The following KIF6 variants were observed in gnomAD, a reference collection of about 807,000 sequenced individuals.
The protein encoded by KIF6 is kinesin-like protein KIF6.
KIF6 carries 106 observed loss-of-function variants against 112.7 expected under a neutral mutation model. The observed-to-expected ratio is 0.94, with a 90% CI of 0.80 to 1.11. The LOEUF (loss-of-function observed/expected upper bound fraction) is 1.11, where lower values mean the gene tolerates loss of function less well. KIF6 is among the 50% of genes least tolerant of loss of function. KIF6 has a pLI of 0.00. For missense variants in KIF6, 929 were observed against 964.0 expected, an observed-to-expected ratio of 0.96 and a Z score of 0.48; for synonymous variants, 339 against 339.9, an observed-to-expected ratio of 1.00 and a Z score of 0.03.
chr6:39,538,596 G>A (rs1331090773), intron 13 of KIF6, among the ~76,000 whole-genome samples: 2 of 151,130 alleles, frequency 1.3e-5, no homozygotes, highest in East Asian at 3.9e-4. Flanking sequence ...TGGAGAAATA[G>A]GAACACTTTT....
intron 13 of KIF6, among the ~76,000 whole-genome samples, chr6:39,533,174 T>C (rs1347384465): frequency 6.6e-6 from 1 of 152,120 alleles, no homozygotes; most frequent in Non-Finnish European, 1.5e-5. Flanking sequence ...ACAGTGGGTG[T>C]AGTGCACCGT....
chr6:39,692,554 T>TG (rs1488842903), intron 3 of KIF6, among the ~76,000 whole-genome samples: 1 of 152,220 alleles, frequency 6.6e-6, no homozygotes, highest in Non-Finnish European at 1.5e-5. Flanking sequence ...ACTCACTTGT[T>TG]GCTGGTACTT....
intron 5 of KIF6, among the ~76,000 whole-genome samples, chr6:39,614,155 AC>A (rs370111855): frequency 6.6e-6 from 1 of 152,208 alleles, no homozygotes; most frequent in African/African-American, 2.4e-5. Context: ...AACTCCTCAT[AC>A]TCTGCTTCAC....
At chr6:39,488,246 C>T (rs1361247031) in intron 13 of KIF6, among the ~76,000 whole-genome samples, 2 of 152,198 alleles carry the variant, frequency 1.3e-5, no homozygotes, top group African/African-American at 2.4e-5. Context: ...AATCAGCCAA[C>T]CCTGATATTC....
At position 39,343,043 on chromosome 6, in the gene KIF6, G is replaced by A. The variant is rs1351017882; in HGVS notation, c.2428+666C>T. 1.0e-6 allele frequency: 1 copy of A among 985,306 alleles called. No homozygotes were observed. Among genetic ancestry groups the A allele is most frequent in the Non-Finnish European group, 1.2e-6 (1 of 829,946 alleles). 61.0% of individuals were successfully genotyped at this position (985,306 alleles called of 1,614,324 possible). A position where few individuals can be genotyped will look rare whatever the true frequency, so the allele number is the denominator to read the frequency against. ...GACAAAATGCAGGCCTGGGGTAAGG[G>A]GCCCTGGGGCTTGCCCTGTGGGTGT... On this transcript the variant is annotated intron_variant, in intron 22 of 22. Coordinates refer to ENST00000287152, the MANE Select transcript of KIF6 (RefSeq NM_145027.6). The surrounding 1 kb of genome is among the most constrained non-coding windows in gnomAD (Gnocchi z 4.1).
intron 5 of KIF6, among the ~76,000 whole-genome samples, chr6:39,619,317 A>G (rs1582286118): frequency 6.6e-6 from 1 of 152,194 alleles, no homozygotes; most frequent in South Asian, 2.1e-4. Context: ...TTGCTAAATA[A>G]TAATGTTAAT....
chr6:39,470,423 T>C (rs1028692658), intron 13 of KIF6, among the ~76,000 whole-genome samples: 2 of 152,178 alleles, frequency 1.3e-5, no homozygotes, highest in African/African-American at 4.8e-5. Context: ...CATTTTGGAC[T>C]GGTCATAGCA....
chr6:39,705,231 T>C (rs1789133008), intron 3 of KIF6, among the ~76,000 whole-genome samples: 2 of 152,180 alleles, frequency 1.3e-5, no homozygotes. Flanking sequence ...ATAGTTCTGA[T>C]TCAATAGGTC....
At chr6:39,710,690 G>A (rs1228475316) in intron 3 of KIF6, among the ~76,000 whole-genome samples, 1 of 152,100 alleles carries the variant, frequency 6.6e-6, no homozygotes. Context: ...AGAACCACAG[G>A]GCAAAGAGAG....
At chr6:39,511,765 A>G (rs1375084113) in intron 13 of KIF6, among the ~76,000 whole-genome samples, 2 of 152,250 alleles carry the variant, frequency 1.3e-5, no homozygotes, top group Admixed American at 1.3e-4. Context: ...TGCAGCCATA[A>G]AACAGGATGA....
At chr6:39,598,643 C>T (rs940141407) in intron 6 of KIF6, among the ~76,000 whole-genome samples, 21 of 150,426 alleles carry the variant, frequency 1.4e-4, no homozygotes, top group African/African-American at 5.1e-4. Context: ...GCGCAATATG[C>T]GATAAGGACA....
chr6:39,545,102 T>C (rs1489797825), intron 11 of KIF6, among the ~76,000 whole-genome samples: 1 of 152,220 alleles, frequency 6.6e-6, no homozygotes, highest in East Asian at 1.9e-4. Context: ...GTCTTATCTA[T>C]ACCTGGCCCT....
intron 3 of KIF6, among the ~76,000 whole-genome samples, chr6:39,655,034 T>C (rs1037551222): frequency 6.6e-6 from 1 of 152,206 alleles, no homozygotes; most frequent in African/African-American, 2.4e-5. Context: ...GACAATGATG[T>C]CCTCTAAAGT....
chr6:39,542,756 CA>C (rs1236799283), intron 12 of KIF6, among the ~76,000 whole-genome samples: 3 of 152,192 alleles, frequency 2.0e-5, no homozygotes, highest in Non-Finnish European at 4.4e-5. Context: ...CCGCAGTGCT[CA>C]AAGCACTTAT....
At chr6:39,658,695 C>A (rs1490389848) in intron 3 of KIF6, among the ~76,000 whole-genome samples, 2 of 152,126 alleles carry the variant, frequency 1.3e-5, no homozygotes, top group Non-Finnish European at 2.9e-5. Context: ...CAGAGTCATA[C>A]ATTAAATAAT....
chr6:39,514,618 T>G (rs1237361673), intron 13 of KIF6, among the ~76,000 whole-genome samples: 2 of 152,232 alleles, frequency 1.3e-5, no homozygotes, highest in Non-Finnish European at 2.9e-5. Context: ...AACTTTAGTA[T>G]GCCCACTAAT....
At chr6:39,383,368 C>T (rs1372768833) in intron 16 of KIF6, among the ~76,000 whole-genome samples, 2 of 152,184 alleles carry the variant, frequency 1.3e-5, no homozygotes. Flanking sequence ...AATCTAGTTT[C>T]ATTCTCTGCA....
At chr6:39,549,130 A>T (rs1456154563) in intron 10 of KIF6, among the ~76,000 whole-genome samples, 1 of 152,100 alleles carries the variant, frequency 6.6e-6, no homozygotes, top group Non-Finnish European at 1.5e-5. Flanking sequence ...AAATTTTGAT[A>T]TATGGCCACA....
At chr6:39,471,210 A>T (rs2150439946) in intron 13 of KIF6, among the ~76,000 whole-genome samples, 1 of 152,100 alleles carries the variant, frequency 6.6e-6, no homozygotes, top group African/African-American at 2.4e-5. Flanking sequence ...CAGCCTCTCT[A>T]GCACATGGGC....
Sources: gnomAD v4.1 joint callset for allele counts (sites outside exome capture counted in the v4.1 genomes callset) on GRCh38, gnomAD v4.1.1 for gene constraint, Gnocchi (gnomAD v3.1) non-coding constraint, MANE v1.5 for transcripts, NCBI Gene and HGNC (gene_info 2026-07-23, HGNC 2026-07-21) for gene names.